Variants in CS observed in about 807,000 individuals in gnomAD.
The protein encoded by CS is citrate synthase.
A neutral mutation model predicts 61.4 loss-of-function variants in CS; 13 were observed. The observed-to-expected ratio is 0.21, with a 90% CI of 0.14 to 0.34. CS has a LOEUF of 0.34. Ranked by LOEUF, CS falls within the 10% of genes least tolerant of loss-of-function variation. The pLI is 1.00. For synonymous variants in CS, 159 were observed against 215.2 expected, an observed-to-expected ratio of 0.74 and a Z score of 2.29; for missense variants, 278 against 573.4, an observed-to-expected ratio of 0.48 and a Z score of 5.26.
At position 56,273,655 on chromosome 12, in the gene CS, G is replaced by C; in HGVS notation, c.1162C>G (p.Leu388Val). ...TTCTTGGCTTTACCCTGCTCTAAGA[G>C]GACATTGGGCACAATCTTGTACAGC... ...AQLYKIVPNV[L>V]LEQGKAKNPW... The change falls in exon 10 of 11, where the codon CTC (leucine) becomes GTC (valine). Residue 388 changes from leucine to valine, a missense_variant. This residue lies in a region of CS where 223 missense variants were observed against 503.5 expected (regional missense o/e 0.44). Transcript: ENST00000351328. 1 of 1,614,152 alleles carries C rather than the reference G, an allele frequency of 6.2e-7. No homozygotes were observed. The highest frequency in any genetic ancestry group is 8.5e-7 in the Non-Finnish European group (1 of 1,180,026).
chr12:56,288,229 C>T (rs1434344579), intron 1 of CS, among the ~76,000 whole-genome samples: 1 of 152,202 alleles, frequency 6.6e-6, no homozygotes, highest in Non-Finnish European at 1.5e-5. Flanking sequence ...AAGGCTGCAC[C>T]TGTCCTTTTG....
At chr12:56,289,010 A>G (rs1873031456) in intron 1 of CS, among the ~76,000 whole-genome samples, 2 of 152,158 alleles carry the variant, frequency 1.3e-5, no homozygotes, top group South Asian at 2.1e-4. Context: ...TTCAGAGAGC[A>G]TAGACCAAGC....
chr12:56,275,589 A>AAGATTGCGCCATTGCACTCCAACCTG, intron 7 of CS: 1 of 182,054 alleles, frequency 5.5e-6, no homozygotes, highest in African/African-American at 2.5e-5. Context: ...AAAAAAAAAA[A>AAGATTGCGCCATTGCACTCCAACCTG]GCATCCTAAT....
In CS at chr12:56,286,584, C is replaced by T; in HGVS notation, c.93+11G>A. ...TGATTCTTATTCTTAGTCTTCTTTT[C>T]CAAACCTTACCGTGGAGGAAGCACT... On this transcript the variant is annotated intron_variant, in intron 2 of 10. Coordinates refer to ENST00000351328, the MANE Select transcript of CS (RefSeq NM_004077.3). The T allele has an allele frequency of 6.2e-7, 1 of 1,613,658 alleles. No individual in the cohort carries two copies. Among genetic ancestry groups the T allele is most frequent in the Non-Finnish European group, 8.5e-7 (1 of 1,179,672 alleles).
intron 6 of CS, among the ~76,000 whole-genome samples, chr12:56,277,612 A>G (rs527655954): frequency 2.0e-5 from 3 of 151,854 alleles, no homozygotes; most frequent in Non-Finnish European, 4.4e-5. Context: ...TTGTTATTTA[A>G]TAACAAAGAC....
chr12:56,272,013 C>G lies in CS; in HGVS notation c.*1071G>C. 2.4e-6 allele frequency: 1 copy of G among 420,304 alleles called. No individual in the cohort carries two copies. Among genetic ancestry groups the G allele is most frequent in the South Asian group, 1.7e-5 (1 of 59,052 alleles). The allele number at this position is 420,304 out of a possible 1,614,324, so 26.0% of individuals were successfully genotyped here. On this transcript the variant is annotated 3_prime_UTR_variant, in exon 11 of 11. Transcript: ENST00000351328. The stretch of plus-strand genomic sequence containing the variant: ...AAAAAGATGTTGATAAATAAGGAGG[C>G]AATTTCTTGAGGCAGGGGACGAGGA...
At chr12:56,277,241 T>G (rs951520830) in intron 6 of CS, among the ~76,000 whole-genome samples, 1 of 147,832 alleles carries the variant, frequency 6.8e-6, no homozygotes, top group Non-Finnish European at 1.5e-5. Flanking sequence ...GGCTCATGCC[T>G]GTAATCCCAG....
At chr12:56,285,448 A>G (rs1168354360) in intron 3 of CS, among the ~76,000 whole-genome samples, 1 of 151,994 alleles carries the variant, frequency 6.6e-6, no homozygotes, top group Non-Finnish European at 1.5e-5. Flanking sequence ...ATCTCTGGCT[A>G]ATTTTTTAAA....
chr12:56,288,226 C>T (rs1373460110), intron 1 of CS, among the ~76,000 whole-genome samples: 1 of 152,146 alleles, frequency 6.6e-6, no homozygotes, highest in African/African-American at 2.4e-5. Flanking sequence ...AGCAAGGCTG[C>T]ACCTGTCCTT....
At chr12:56,276,299 G>T in intron 6 of CS, 104 bp from the exon 7 acceptor site, 1 of 1,014,702 alleles carries the variant, frequency 9.9e-7, no homozygotes, top group Non-Finnish European at 1.5e-6. Context: ...TATTTGGGTT[G>T]ATGGTTAGTT....
At chr12:56,287,319 A>G (rs954236994) in intron 1 of CS, among the ~76,000 whole-genome samples, 2 of 151,968 alleles carry the variant, frequency 1.3e-5, no homozygotes, top group Non-Finnish European at 2.9e-5. Flanking sequence ...TCTCTACTAA[A>G]AATACAAAAA....
At chr12:56,299,138 T>C (rs925332092) in intron 1 of CS, among the ~76,000 whole-genome samples, 1 of 152,068 alleles carries the variant, frequency 6.6e-6, no homozygotes, top group South Asian at 2.1e-4. Context: ...CAGGAAAAAC[T>C]AAGTTCTTTG....
rs1458315202 is a variant in CS, at chr12:56,285,253, GA to G, written c.201+662del. 6.7e-6 allele frequency: 3 copies of G among 447,432 alleles called. No homozygotes were observed. In the Admixed American group the frequency reaches 7.2e-5, roughly 11 times the overall value. The allele number at this position is 447,432 out of a possible 1,614,324, so 27.7% of individuals were successfully genotyped here. A position where few individuals can be genotyped will look rare whatever the true frequency, so the allele number is the denominator to read the frequency against. Reference sequence around the variant, plus strand: ...GAGCCACTGCAACAGGCCTGGAAATGAAATTTTTTAAGTTGAGAAATCACTA... The same window carrying G: ...GAGCCACTGCAACAGGCCTGGAAATGAATTTTTTAAGTTGAGAAATCACTA... On this transcript the variant is annotated intron_variant, in intron 3 of 10. Transcript: ENST00000351328.
chr12:56,282,683 C>T lies in CS; in HGVS notation c.400-75G>A, dbSNP rs188095046. ...GAAAAATAAAAAAGGACAGCAACAT[C>T]TGAGTAAAGAAAACCCAAGAGAGGT... On this transcript the variant is annotated intron_variant, in intron 5 of 10. Coordinates refer to ENST00000351328, the MANE Select transcript of CS (RefSeq NM_004077.3). 7.4e-5 allele frequency: 113 copies of T among 1,532,794 alleles called. No individual in the cohort carries two copies. In the Admixed American group the frequency reaches 2.2e-3, roughly 30 times the overall value. 94.9% of individuals were successfully genotyped at this position (1,532,794 alleles called of 1,614,324 possible). A position where few individuals can be genotyped will look rare whatever the true frequency, so the allele number is the denominator to read the frequency against.
chr12:56,275,224 G>T, intron 7 of CS, 93 bp from the exon 8 acceptor site: 1 of 1,469,828 alleles, frequency 6.8e-7, no homozygotes, highest in Non-Finnish European at 9.4e-7. Flanking sequence ...TACTAGCCTA[G>T]TTATGGGCTC....
chr12:56,277,950 C>A (rs1872671770), intron 6 of CS, among the ~76,000 whole-genome samples: 3 of 151,942 alleles, frequency 2.0e-5, no homozygotes, highest in Admixed American at 2.0e-4. Context: ...TCTTTAAGCA[C>A]TTACTATGCA....
At chr12:56,295,720 G>A (rs772349608) in intron 1 of CS, among the ~76,000 whole-genome samples, 1 of 149,400 alleles carries the variant, frequency 6.7e-6, no homozygotes, top group African/African-American at 2.5e-5. Context: ...TGTGGGAGGT[G>A]GAGGCGGGCG....
chr12:56,280,419 AAAAAAC>A (rs1202321934), intron 6 of CS, among the ~76,000 whole-genome samples: 9 of 100,396 alleles, frequency 9.0e-5, no homozygotes, highest in African/African-American at 1.5e-4. Flanking sequence ...CGTCTCCCAA[AAAAAAC>A]AAAAAAAAAA....
intron 7 of CS, 53 bp downstream of exon 7, chr12:56,275,943 A>C: frequency 1.3e-6 from 2 of 1,537,908 alleles, no homozygotes; most frequent in Non-Finnish European, 1.8e-6. Context: ...CTTTTAAAAA[A>C]ATTTCCCACC....
Sources: gnomAD v4.1 joint callset for allele counts (sites outside exome capture counted in the v4.1 genomes callset) on GRCh38, gnomAD v4.1.1 for gene constraint, gnomAD v4.1.1 regional missense constraint, MANE v1.5 for transcripts, NCBI Gene and HGNC (gene_info 2026-07-23, HGNC 2026-07-21) for gene names.